Variants in CYTH3 observed in about 807,000 individuals in gnomAD.
The protein encoded by CYTH3 is cytohesin-3.
A neutral mutation model predicts 55.1 loss-of-function variants in CYTH3; 23 were observed. That is an observed-to-expected ratio of 0.42 (90% CI 0.30 to 0.59). The LOEUF is 0.59. Ranked by LOEUF, CYTH3 falls within the 20% of genes least tolerant of loss-of-function variation. The pLI is 0.20. For synonymous variants in CYTH3, 249 were observed against 194.9 expected (o/e 1.28, Z -2.31); for missense variants, 413 against 524.8 (o/e 0.79, Z 2.08).
intron 2 of CYTH3, among the ~76,000 whole-genome samples, chr7:6,188,470 T>C (rs1049070049): frequency 2.2e-4 from 34 of 152,176 alleles, no homozygotes; most frequent in African/African-American, 7.7e-4. Context: ...ACACTGCCTG[T>C]GTTCCCAGGG....
intron 1 of CYTH3, among the ~76,000 whole-genome samples, chr7:6,265,459 AT>A (rs1780465314): frequency 6.6e-6 from 1 of 151,594 alleles, no homozygotes; most frequent in African/African-American, 2.4e-5. Flanking sequence ...AAAAAAAAAA[AT>A]TACAAAAAAT....
At chr7:6,242,465 C>T (rs1779700535) in intron 1 of CYTH3, among the ~76,000 whole-genome samples, 1 of 151,092 alleles carries the variant, frequency 6.6e-6, no homozygotes, top group Non-Finnish European at 1.5e-5. Context: ...CAACCTCCGC[C>T]TCCCAGGTTC....
chr7:6,259,816 ATATATATATATATATATTTTTTTTTTT>A, intron 1 of CYTH3, among the ~76,000 whole-genome samples: 1 of 20,586 alleles, frequency 4.9e-5, no homozygotes, highest in Admixed American at 8.7e-4. Context: ...TATATATAAT[ATATATATATATATATATTTTTTTTTTT>A]TTTTAAGACG....
intron 1 of CYTH3, among the ~76,000 whole-genome samples, chr7:6,269,834 G>A (rs1238605551): frequency 6.6e-6 from 1 of 152,016 alleles, no homozygotes; most frequent in Non-Finnish European, 1.5e-5. Context: ...TAGCAAGTAG[G>A]AATCAATTTT....
At chr7:6,183,103 C>T (rs1256934393) in intron 4 of CYTH3, among the ~76,000 whole-genome samples, 2 of 152,234 alleles carry the variant, frequency 1.3e-5, no homozygotes, top group Admixed American at 1.3e-4. Flanking sequence ...CCTGTTTTCA[C>T]GGACTAAGTG....
At chr7:6,241,053 C>T (rs1341117737) in intron 1 of CYTH3, among the ~76,000 whole-genome samples, 2 of 151,620 alleles carry the variant, frequency 1.3e-5, no homozygotes, top group East Asian at 1.9e-4. Context: ...ACCTGGGAGG[C>T]GGAGGTTGCA....
intron 1 of CYTH3, 37 bp downstream of exon 1, chr7:6,272,437 A>G (rs1340731443): frequency 3.5e-6 from 3 of 846,916 alleles, no homozygotes; most frequent in South Asian, 2.4e-5. Context: ...CCCCGACCCC[A>G]GGCCGCCGGC....
chr7:6,264,182 G>C (rs557693267), intron 1 of CYTH3, among the ~76,000 whole-genome samples: 34 of 152,132 alleles, frequency 2.2e-4, no homozygotes, highest in Middle Eastern at 6.8e-3. Context: ...AGGAAGCGGA[G>C]GTTGCAGTGA....
At chr7:6,188,113 G>T (rs1003861674) in intron 2 of CYTH3, among the ~76,000 whole-genome samples, 1 of 152,066 alleles carries the variant, frequency 6.6e-6, no homozygotes, top group South Asian at 2.1e-4. Context: ...GATCGCTTGA[G>T]ATCAGGAGTT....
intron 1 of CYTH3, among the ~76,000 whole-genome samples, chr7:6,261,402 AC>A (rs1780350129): frequency 1.3e-5 from 2 of 152,044 alleles, no homozygotes. Flanking sequence ...ACCAGAATAG[AC>A]CATGCCTCAT....
At chr7:6,195,764 G>A (rs529520315) in intron 1 of CYTH3, among the ~76,000 whole-genome samples, 27 of 152,052 alleles carry the variant, frequency 1.8e-4, no homozygotes, top group Non-Finnish European at 2.6e-4. Flanking sequence ...TATTATCCTC[G>A]TTTTATAAAT....
At chr7:6,201,916 G>GA (rs1784066556) in intron 1 of CYTH3, among the ~76,000 whole-genome samples, 2 of 152,154 alleles carry the variant, frequency 1.3e-5, no homozygotes, top group South Asian at 4.1e-4. Context: ...CAAGGAAAGA[G>GA]AAAGAGAAAC....
intron 2 of CYTH3, among the ~76,000 whole-genome samples, chr7:6,189,765 A>G (rs2002952): frequency 0.36 from 54,810 of 151,628 alleles, 15,557 homozygotes; most frequent in East Asian, 0.77. Context: ...GGCTGGGCGC[A>G]GTGGCTCACG....
At chr7:6,252,299 C>A (rs190642181) in intron 1 of CYTH3, among the ~76,000 whole-genome samples, 1 of 152,286 alleles carries the variant, frequency 6.6e-6, no homozygotes, top group East Asian at 1.9e-4. Context: ...ACAAGAGGAG[C>A]GTTTAGTTCT....
rs898036042 is a variant in CYTH3 at position 6,172,753 on chromosome 7, T to C, written c.449+900A>G. 9 of 1,250,206 alleles carry C rather than the reference T, an allele frequency of 7.2e-6. No individual in the cohort carries two copies. The Admixed American group carries it at 7.4e-5, about 10-fold the overall frequency. The allele number at this position is 1,250,206 out of a possible 1,614,324, so 77.4% of individuals were successfully genotyped here. ...CACCAGGCCTGCACCCTTCTCTGGATGTACAGCTTCCAGAAACGCAATCTG... is the reference window on the plus strand; with the variant it reads ...CACCAGGCCTGCACCCTTCTCTGGACGTACAGCTTCCAGAAACGCAATCTG... On this transcript the variant is annotated intron_variant, in intron 6 of 12. Coordinates refer to ENST00000350796, the MANE Select transcript of CYTH3 (RefSeq NM_004227.4).
At chr7:6,177,168 G>C (rs897611700) in intron 5 of CYTH3, among the ~76,000 whole-genome samples, 1 of 152,178 alleles carries the variant, frequency 6.6e-6, no homozygotes, top group Non-Finnish European at 1.5e-5. Flanking sequence ...GGTAGTGCTG[G>C]CCTCAGAGAA....
At chr7:6,269,401 C>T (rs1351271546) in intron 1 of CYTH3, among the ~76,000 whole-genome samples, 2 of 152,116 alleles carry the variant, frequency 1.3e-5, no homozygotes, top group African/African-American at 4.8e-5. Flanking sequence ...CAAGGCTCAG[C>T]ATCTCTTCAC....
intron 1 of CYTH3, among the ~76,000 whole-genome samples, chr7:6,255,089 G>A (rs1045780076): frequency 3.9e-5 from 6 of 152,088 alleles, no homozygotes; most frequent in Non-Finnish European, 8.8e-5. Context: ...TATTACAATC[G>A]TCGAGATTTT....
chr7:6,220,628 T>C lies in CYTH3; in HGVS notation c.35-30097A>G, dbSNP rs578123875. Among the ~76,000 whole-genome samples the C allele has an allele frequency of 2.1e-5, 3 of 145,434 alleles. No homozygotes were observed. The South Asian group carries it at 6.5e-4, about 32-fold the overall frequency. On this transcript the variant is annotated intron_variant, in intron 1 of 12. Transcript: ENST00000350796. ...CTGGCAAAGATGTGGACAATCTGGA[T>C]CTTTCATACATTGCTGGTGGGAACA... is the stretch of plus-strand genomic sequence containing the variant.
Sources: allele counts gnomAD v4.1 joint callset (sites outside exome capture counted in the v4.1 genomes callset), GRCh38; gene constraint gnomAD v4.1.1; transcripts MANE v1.5; gene names NCBI Gene and HGNC (gene_info 2026-07-23, HGNC 2026-07-21).